Variants in SLC8A3 observed in about 807,000 individuals in gnomAD.
The protein encoded by SLC8A3 is sodium/calcium exchanger 3.
A neutral mutation model predicts 65.4 loss-of-function variants in SLC8A3; 37 were observed. The observed-to-expected ratio is 0.57, with a 90% CI of 0.44 to 0.74. The LOEUF (loss-of-function observed/expected upper bound fraction) is 0.74. SLC8A3 is among the 30% of genes least tolerant of loss of function. SLC8A3 has a pLI of 0.00. For missense variants in SLC8A3, 1,112 were observed against 1,172.1 expected (o/e 0.95, Z 0.75); for synonymous variants, 461 against 444.5 (o/e 1.04, Z -0.47).
At chr14:70,115,959 G>C (rs958918097) in intron 2 of SLC8A3, among the ~76,000 whole-genome samples, 2 of 152,086 alleles carry the variant, frequency 1.3e-5, no homozygotes, top group Non-Finnish European at 1.5e-5. Context: ...CTCCCAGACC[G>C]TCCCTCCCTC....
At chr14:70,109,201 T>TA (rs1893094471) in intron 2 of SLC8A3, among the ~76,000 whole-genome samples, 1 of 150,028 alleles carries the variant, frequency 6.7e-6, no homozygotes, top group Non-Finnish European at 1.5e-5. Flanking sequence ...AGGTTCTTTT[T>TA]TTTTTTTTTC....
At chr14:70,170,256 G>A (rs1327948832) in intron 1 of SLC8A3, among the ~76,000 whole-genome samples, 5 of 151,876 alleles carry the variant, frequency 3.3e-5, no homozygotes, top group East Asian at 1.9e-4. Context: ...CCTTCATCCC[G>A]TCACTCTCTC....
Position 70,167,756 on chromosome 14 carries a change from C to A in SLC8A3, c.667G>T (p.Val223Phe), listed in dbSNP as rs770632128. The change falls in exon 2 of 7, where the codon GTC (valine) becomes TTC (phenylalanine). Residue 223 changes from valine to phenylalanine, a missense_variant. Physicochemically the swap from Val to Phe is conservative, Grantham distance 50. Transcript: ENST00000356921. ...ACCTGGACCACACCAGGGGAGAAGA[C>A]TGCCAGAATCATATAGAGCCAGATG... ...AYIWLYMILA[V>F]FSPGVVQVWE... The A allele has an allele frequency of 6.2e-7, 1 of 1,614,204 alleles. No homozygotes were observed. Among genetic ancestry groups the A allele is most frequent in the Non-Finnish European group, 8.5e-7 (1 of 1,180,032 alleles).
intron 2 of SLC8A3, among the ~76,000 whole-genome samples, chr14:70,123,638 C>A (rs972706279): frequency 2.0e-5 from 3 of 152,050 alleles, no homozygotes; most frequent in Non-Finnish European, 4.4e-5. Context: ...TCAGTAGAGA[C>A]AGGGTTTCAC....
chr14:70,122,934 C>T (rs990632617), intron 2 of SLC8A3, among the ~76,000 whole-genome samples: 17 of 151,506 alleles, frequency 1.1e-4, no homozygotes, highest in South Asian at 2.1e-4. Context: ...TAGCTGGGTG[C>T]GGTGGCGGGC....
rs766311206 is a variant in SLC8A3, at chr14:70,046,234, A to C, written c.2479T>G (p.Phe827Val). ...GACCAGGCCAGGCCGATGCCCAGGA[A>C]GACATTGACGGCGTTGCTGCCCGTC... is the stretch of plus-strand genomic sequence containing the variant. Reference protein sequence around the residue: ...NVTGSNAVNVFLGIGLAWSVA... With the variant: ...NVTGSNAVNVVLGIGLAWSVA... The change falls in exon 7 of 7, where the codon TTC becomes GTC. Residue 827 changes from phenylalanine (F) to valine (V), a missense_variant. Coordinates refer to ENST00000356921, the MANE Select transcript of SLC8A3 (RefSeq NM_182932.3). The surrounding 1 kb of genome is among the most constrained non-coding windows in gnomAD (Gnocchi z 4.2). 3 of 1,614,250 alleles carry C rather than the reference A, an allele frequency of 1.9e-6. No homozygotes were observed. The South Asian group carries it at 3.3e-5, about 18-fold the overall frequency.
At chr14:70,156,598 A>G (rs928774711) in intron 2 of SLC8A3, among the ~76,000 whole-genome samples, 41 of 152,198 alleles carry the variant, frequency 2.7e-4, no homozygotes, top group African/African-American at 9.2e-4. Context: ...ATGGGACATG[A>G]GCACCTGACA....
At chr14:70,082,571 C>T (rs570021924) in intron 2 of SLC8A3, among the ~76,000 whole-genome samples, 1 of 152,300 alleles carries the variant, frequency 6.6e-6, no homozygotes, top group East Asian at 1.9e-4. Flanking sequence ...GGTCTGCAAG[C>T]CCTCTTCCTC....
At chr14:70,155,544 C>T (rs1340094645) in intron 2 of SLC8A3, among the ~76,000 whole-genome samples, 1 of 152,198 alleles carries the variant, frequency 6.6e-6, no homozygotes, top group African/African-American at 2.4e-5. Flanking sequence ...CTTAATATTT[C>T]TTAGACCTAG....
At chr14:70,137,741 C>A (rs929143582) in intron 2 of SLC8A3, among the ~76,000 whole-genome samples, 2 of 147,858 alleles carry the variant, frequency 1.4e-5, no homozygotes, top group Non-Finnish European at 3.0e-5. Context: ...TGATCTGCTC[C>A]AAAAAACAAC....
intron 2 of SLC8A3, among the ~76,000 whole-genome samples, chr14:70,089,000 C>T (rs778182761): frequency 6.6e-6 from 1 of 152,194 alleles, no homozygotes; most frequent in Non-Finnish European, 1.5e-5. Flanking sequence ...ATATTCCTGA[C>T]CTGATTTGTA....
intron 2 of SLC8A3, among the ~76,000 whole-genome samples, chr14:70,100,203 G>C (rs1892470516): frequency 6.6e-6 from 1 of 152,182 alleles, no homozygotes; most frequent in Non-Finnish European, 1.5e-5. Context: ...CCAAAGTGTT[G>C]CTTAGAAGGT....
Position 70,070,572 on chromosome 14 carries a change from G to C in SLC8A3, c.1785-9633C>G, listed in dbSNP as rs955843151. Among the ~76,000 whole-genome samples, 3 of 152,314 alleles carry C rather than the reference G, an allele frequency of 2.0e-5. No individual in the cohort carries two copies. In the East Asian group the frequency reaches 5.8e-4, roughly 29 times the overall value. On this transcript the variant is annotated intron_variant, in intron 2 of 6. Coordinates refer to ENST00000356921, the MANE Select transcript of SLC8A3 (RefSeq NM_182932.3). ...GAGGAAATGCTACTTACTCCAAATG[G>C]TTCTGGGGCTGTCACAAGTGCTGCT...
chr14:70,048,675 T>G, intron 6 of SLC8A3, 92 bp downstream of exon 6: 18 of 1,117,610 alleles, frequency 1.6e-5, no homozygotes, highest in South Asian at 2.6e-5. Flanking sequence ...AGTTCAGATC[T>G]GAGATGGTGT....
intron 2 of SLC8A3, among the ~76,000 whole-genome samples, chr14:70,084,833 G>C (rs931999066): frequency 6.6e-6 from 1 of 152,136 alleles, no homozygotes; most frequent in Non-Finnish European, 1.5e-5. Flanking sequence ...CTAGAATTCT[G>C]TTTCCCAAAT....
At chr14:70,049,261 G>C (rs1002664856) in intron 5 of SLC8A3, among the ~76,000 whole-genome samples, 2 of 152,220 alleles carry the variant, frequency 1.3e-5, no homozygotes, top group Non-Finnish European at 2.9e-5. Context: ...CACCAAGGTA[G>C]AGTGGGAGAG....
chr14:70,071,720 G>C (rs1249071214), intron 2 of SLC8A3, among the ~76,000 whole-genome samples: 2 of 152,206 alleles, frequency 1.3e-5, no homozygotes, highest in African/African-American at 4.8e-5. Context: ...CTGAGATACA[G>C]AACTTGCGAG....
chr14:70,088,157 T>A (rs1026120238), intron 2 of SLC8A3, among the ~76,000 whole-genome samples: 3 of 152,188 alleles, frequency 2.0e-5, no homozygotes, highest in Admixed American at 6.5e-5. Context: ...CAAGAAAATA[T>A]GAAGTGCATT....
At chr14:70,096,818 T>A (rs931651664) in intron 2 of SLC8A3, among the ~76,000 whole-genome samples, 1 of 152,108 alleles carries the variant, frequency 6.6e-6, no homozygotes, top group African/African-American at 2.4e-5. Context: ...CTTTTCCACT[T>A]TGGTCTTTTG....
Sources: allele counts gnomAD v4.1 joint callset (sites outside exome capture counted in the v4.1 genomes callset), GRCh38; gene constraint gnomAD v4.1.1; non-coding constraint Gnocchi (gnomAD v3.1); transcripts MANE v1.5; gene names NCBI Gene and HGNC (gene_info 2026-07-23, HGNC 2026-07-21).